The following MATR3 variants were observed in gnomAD, a reference collection of about 807,000 sequenced individuals.
MATR3 encodes the protein matrin 3.
A neutral mutation model predicts 85.5 loss-of-function variants in MATR3; 4 were observed. The ratio of observed to expected loss-of-function variants is 0.05; its 90% CI spans 0.02 to 0.11. The LOEUF (loss-of-function observed/expected upper bound fraction) is 0.11, where lower values mean the gene tolerates loss of function less well. Ranked by LOEUF, MATR3 falls within the 10% of genes least tolerant of loss-of-function variation. The pLI, the probability that MATR3 is intolerant of heterozygous loss-of-function variation, is 1.00. For synonymous variants in MATR3, 336 were observed against 343.1 expected, an observed-to-expected ratio of 0.98 and a Z score of 0.23; for missense variants, 685 against 1,016.1, an observed-to-expected ratio of 0.67 and a Z score of 4.43.
intron 1 of MATR3, among the ~76,000 whole-genome samples, chr5:139,301,121 A>G (rs984670700): frequency 6.6e-6 from 1 of 151,974 alleles, no homozygotes; most frequent in African/African-American, 2.4e-5. Flanking sequence ...GGCCTAATTT[A>G]TCGAGTCTTT....
intron 13 of MATR3, 36 bp downstream of exon 13, chr5:139,325,698 T>C: frequency 6.4e-7 from 1 of 1,555,390 alleles, no homozygotes; most frequent in Non-Finnish European, 8.9e-7. Context: ...CCTTCCTCAC[T>C]CTCCTCAAAA....
At position 139,325,515 on chromosome 5, in the gene MATR3, G is replaced by A. The variant is rs779133284; in HGVS notation, c.2224G>A (p.Glu742Lys). ...ENGIKNEENTEPGAESSENAD... is the reference protein window; with the variant it reads ...ENGIKNEENTKPGAESSENAD... Reference sequence around the variant, plus strand: ...TGGAATTAAAAATGAGGAAAACACAGAACCAGGTGCTGAATCTTCTGAGAA... The same window carrying A: ...TGGAATTAAAAATGAGGAAAACACAAAACCAGGTGCTGAATCTTCTGAGAA... Residue 742 changes from glutamate to lysine, a missense_variant, in exon 13 of 15, where the codon GAA (glutamate) becomes AAA (lysine). Transcript: ENST00000394805. 1.9e-6 allele frequency: 3 copies of A among 1,614,188 alleles called. No homozygotes were observed. The highest frequency in any genetic ancestry group is 2.2e-5 in the South Asian group (2 of 91,086).
At position 139,281,327 on chromosome 5, in the gene MATR3, T is replaced by G. The variant is rs184218847; in HGVS notation, c.-178+2198T>G. 3.1e-3 allele frequency among the ~76,000 whole-genome samples: 474 copies of G among 150,960 alleles called. 3 individuals carry two copies. Among genetic ancestry groups the G allele is most frequent in the African/African-American group, 0.011 (451 of 41,232 alleles). The stretch of plus-strand genomic sequence containing the variant: ...GTAGCTAGGATTACAGATGTCACTC[T>G]GCCTGGCCTCGAAGTAGTTTTTTTT... On this transcript the variant is annotated intron_variant, in intron 3 of 16. Coordinates refer to ENST00000509990, the Ensembl canonical transcript of MATR3.
intron 1 of MATR3, among the ~76,000 whole-genome samples, chr5:139,303,048 G>GTT (rs758720111): frequency 1.2e-4 from 17 of 137,084 alleles, no homozygotes; most frequent in African/African-American, 4.2e-4. Context: ...CAAATTAGTT[G>GTT]TTTTTTTTTT....
rs1318047828 is a variant in MATR3 at position 139,308,272 on chromosome 5, C to T, written c.857C>T (p.Pro286Leu). The change falls in exon 2 of 15, where the codon CCG becomes CTG. Residue 286 changes from proline to leucine, a missense_variant. Pro to Leu is a moderately conservative substitution (Grantham distance 98, BLOSUM62 -3). This residue lies in a region of MATR3 where 223 missense variants were observed against 334.4 expected (regional missense o/e 0.67). Transcript: ENST00000394805. ...ATTGAAGACTTCCATGGACTCTTACCGAAGGGTTATCCCCATCTGTGCTCT... is the reference window on the plus strand; with the variant it reads ...ATTGAAGACTTCCATGGACTCTTACTGAAGGGTTATCCCCATCTGTGCTCT... The part of the protein sequence containing the change: ...SNIEDFHGLL[P>L]KGYPHLCSIC... 5 of 1,613,920 alleles carry T rather than the reference C, an allele frequency of 3.1e-6. No individual in the cohort carries two copies. Among genetic ancestry groups the T allele is most frequent in the Non-Finnish European group, 4.2e-6 (5 of 1,179,942 alleles).
upstream of MATR3, among the ~76,000 whole-genome samples, chr5:139,290,940 T>A (rs568588466): frequency 1.3e-5 from 2 of 152,244 alleles, no homozygotes; most frequent in African/African-American, 4.8e-5. Flanking sequence ...TATCTTAGAT[T>A]CTGCATTTGA....
intron 1 of MATR3, chr5:139,276,061 G>A (rs1753265552): frequency 2.2e-6 from 1 of 456,722 alleles, no homozygotes; most frequent in South Asian, 1.5e-5. Flanking sequence ...TGAGGGGAGG[G>A]ACTCTGAGCT....
rs1755813996 is a variant in MATR3, at chr5:139,325,576, C to G, written c.2285C>G (p.Ala762Gly). Residue 762 changes from alanine to glycine, a missense_variant, in exon 13 of 15, where the codon GCA becomes GGA. Transcript: ENST00000394805. Reference protein sequence around the residue: ...DDPNKDTSENADGQSDENKDD... With the variant: ...DDPNKDTSENGDGQSDENKDD... The stretch of plus-strand genomic sequence containing the variant: ...CCCAACAAAGATACAAGTGAAAACG[C>G]AGATGGTCAAAGTGATGAGAACAAG... 2 of 1,614,180 alleles carry G rather than the reference C, an allele frequency of 1.2e-6. No homozygotes were observed. The highest frequency in any genetic ancestry group is 2.2e-5 in the South Asian group (2 of 91,082).
In MATR3 at chr5:139,329,718, T is replaced by G. The variant is rs545686676; in HGVS notation, c.*323T>G. 4.3e-5 allele frequency: 20 copies of G among 460,632 alleles called. 1 individual carries two copies. Among genetic ancestry groups the G allele is most frequent in the African/African-American group, 3.8e-4 (19 of 50,324 alleles). The allele number at this position is 460,632 out of a possible 1,614,324, so 28.5% of individuals were successfully genotyped here. A position where few individuals can be genotyped will look rare whatever the true frequency, so the allele number is the denominator to read the frequency against. Reference sequence around the variant, plus strand: ...CATTTGGAAAAATGAAATTTAGTAGTTCCAAGTTTCAAAGAAATGTCAACA... The same window carrying G: ...CATTTGGAAAAATGAAATTTAGTAGGTCCAAGTTTCAAAGAAATGTCAACA... On this transcript the variant is annotated 3_prime_UTR_variant, in exon 15 of 15. Coordinates refer to ENST00000394805, the MANE Select transcript of MATR3 (RefSeq NM_018834.6).
At chr5:139,312,042 T>TAC (rs1755010588) in intron 2 of MATR3, 1 of 151,282 alleles carries the variant, frequency 6.6e-6, no homozygotes, top group African/African-American at 2.4e-5. Context: ...GTGCTGGGAT[T>TAC]ACAAGTATGA....
intron 3 of MATR3, chr5:139,279,547 A>G (rs990443311): frequency 5.6e-6 from 1 of 179,076 alleles, no homozygotes; most frequent in African/African-American, 2.4e-5. Context: ...ACTGTCTCCC[A>G]GGCTGGAGTG....
chr5:139,319,575 G>A (rs1755433583), intron 9 of MATR3, 74 bp downstream of exon 9: 9 of 1,369,722 alleles, frequency 6.6e-6, no homozygotes, highest in South Asian at 2.5e-5. Context: ...GGAGCTGGGC[G>A]TCATTCCTCA....
exon 1 of MATR3, chr5:139,274,141 C>A: frequency 2.3e-6 from 1 of 437,378 alleles, no homozygotes; most frequent in Non-Finnish European, 4.5e-6. Flanking sequence ...CTGCGCCCTG[C>A]GGAGCTCCGA....
At chr5:139,304,850 T>A (rs1357637362) in intron 1 of MATR3, among the ~76,000 whole-genome samples, 2 of 152,218 alleles carry the variant, frequency 1.3e-5, no homozygotes, top group Non-Finnish European at 2.9e-5. Flanking sequence ...CTGCCTTTGC[T>A]AATAGGCAGT....
chr5:139,286,518 A>G (rs1753708491), intron 3 of MATR3, among the ~76,000 whole-genome samples: 1 of 150,846 alleles, frequency 6.6e-6, no homozygotes, highest in South Asian at 2.1e-4. Flanking sequence ...TCCTCTGTGG[A>G]CAAGCTTCTT....
intron 4 of MATR3, 132 bp downstream of exon 4, chr5:139,315,870 C>T: frequency 1.2e-6 from 1 of 850,230 alleles, no homozygotes. Flanking sequence ...ATAAAATTCA[C>T]TTTGGTTAAC....
At position 139,322,451 on chromosome 5, in the gene MATR3, T is replaced by C. The variant is rs1465682935; in HGVS notation, c.1735-12T>C. 5 of 1,599,426 alleles carry C rather than the reference T, an allele frequency of 3.1e-6. No homozygotes were observed. In the Admixed American group the frequency reaches 6.7e-5, roughly 21 times the overall value. On this transcript the variant is annotated splice_polypyrimidine_tract_variant and intron_variant, in intron 10 of 14. Coordinates refer to ENST00000394805, the MANE Select transcript of MATR3 (RefSeq NM_018834.6). ...CAAATGTGTTAACTTCTGCAAAACT[T>C]TTGTCTTTTAGATTCCAAACAGAGG...
chr5:139,281,000 TAAG>T (rs1402354040), intron 3 of MATR3, among the ~76,000 whole-genome samples: 4 of 151,942 alleles, frequency 2.6e-5, no homozygotes, highest in African/African-American at 9.7e-5. Flanking sequence ...CTGGTGAGTC[TAAG>T]AAGATTAGTT....
chr5:139,330,951 T>G lies in MATR3; in HGVS notation c.*1556T>G, dbSNP rs1383019417. ...GACTACAGGCTCATGCCACTATACC[T>G]GGCTAGTTTTTGGTTTTTTTGTATA... On this transcript the variant is annotated 3_prime_UTR_variant, in exon 15 of 15. Transcript: ENST00000394805. 6.6e-6 allele frequency: 3 copies of G among 453,960 alleles called. No individual in the cohort carries two copies. The highest frequency in any genetic ancestry group is 6.0e-5 in the African/African-American group (3 of 49,992). The allele number at this position is 453,960 out of a possible 1,614,324, so 28.1% of individuals were successfully genotyped here.
Sources: gnomAD v4.1 joint callset for allele counts (sites outside exome capture counted in the v4.1 genomes callset) on GRCh38, gnomAD v4.1.1 for gene constraint, gnomAD v4.1.1 regional missense constraint, MANE v1.5 for transcripts, NCBI Gene and HGNC (gene_info 2026-07-23, HGNC 2026-07-21) for gene names.